ANKRD17: variants seen among roughly 807,000 people sequenced by gnomAD.
The protein encoded by ANKRD17 is ankyrin repeat domain-containing protein 17.
ANKRD17 carries 19 observed loss-of-function variants against 229.7 expected under a neutral mutation model. That is an observed-to-expected ratio of 0.08 (90% confidence interval 0.06 to 0.12). The LOEUF (loss-of-function observed/expected upper bound fraction) is 0.12. Among genes scored for constraint, ANKRD17 ranks in the 10% least tolerant of loss-of-function variants. ANKRD17 has a pLI of 1.00. For missense variants in ANKRD17, 2,176 were observed against 3,176.8 expected, an observed-to-expected ratio of 0.68 and a Z score of 7.57; for synonymous variants, 1,112 against 1,146.1, an observed-to-expected ratio of 0.97 and a Z score of 0.60.
Position 73,104,276 on chromosome 4 carries a change from C to T in ANKRD17, c.4402-1729G>A, listed in dbSNP as rs532789856. 2.3e-4 allele frequency among the ~76,000 whole-genome samples: 35 copies of T among 152,260 alleles called. No homozygotes were observed. The Middle Eastern group carries it at 0.014, about 59-fold the overall frequency. On this transcript the variant is annotated intron_variant, in intron 24 of 33. Coordinates refer to ENST00000358602, the MANE Select transcript of ANKRD17 (RefSeq NM_032217.5). ...GTGACCTTTACTCCCTGGATCACCA[C>T]AAGGGAGGAGTAATATCTGATTGGT...
chr4:73,181,215 G>C (rs1214498134), intron 1 of ANKRD17, among the ~76,000 whole-genome samples: 1 of 152,150 alleles, frequency 6.6e-6, no homozygotes, highest in Non-Finnish European at 1.5e-5. Flanking sequence ...TATCTTCATT[G>C]ATTTATTACA....
At chr4:73,192,747 T>C (rs1737306670) in intron 1 of ANKRD17, among the ~76,000 whole-genome samples, 1 of 152,202 alleles carries the variant, frequency 6.6e-6, no homozygotes, top group South Asian at 2.1e-4. Flanking sequence ...TGCTGGTACA[T>C]GTAACTCATC....
rs560489020 is a variant in ANKRD17, at chr4:73,097,095, A to G, written c.5177+22T>C. The G allele has an allele frequency of 5.6e-6, 9 of 1,604,214 alleles. No homozygotes were observed. The Admixed American group carries it at 1.2e-4, about 22-fold the overall frequency. On this transcript the variant is annotated intron_variant, in intron 27 of 33. Coordinates refer to ENST00000358602, the MANE Select transcript of ANKRD17 (RefSeq NM_032217.5). ...ACTGTGATATATAGCACATAAAAAG[A>G]ATGACAAAAACAATTACTCACCTTC...
rs1218547498 is a variant in ANKRD17 at position 73,240,449 on chromosome 4, C to T, written c.393+17827G>A. ...GAATAACTTGGGCAACACAGCAAGA[C>T]TATCTCTACAAAAAAAAAAAAAAAA... On this transcript the variant is annotated intron_variant, in intron 1 of 33. Coordinates refer to ENST00000358602, the MANE Select transcript of ANKRD17 (RefSeq NM_032217.5). 3.7e-5 allele frequency among the ~76,000 whole-genome samples: 5 copies of T among 135,954 alleles called. No homozygotes were observed. The Admixed American group carries it at 3.8e-4, about 10-fold the overall frequency. The allele number at this position is 135,954 out of a possible 152,430, so 89.2% of individuals were successfully genotyped here. A position where few individuals can be genotyped will look rare whatever the true frequency, so the allele number is the denominator to read the frequency against.
In ANKRD17 at chr4:73,092,338, C is replaced by G. The variant is rs373059963; in HGVS notation, c.5328-38G>C. 3.9e-6 allele frequency: 6 copies of G among 1,534,750 alleles called. 1 individual carries two copies. Among genetic ancestry groups the G allele is most frequent in the Non-Finnish European group, 5.3e-6 (6 of 1,134,952 alleles). On this transcript the variant is annotated intron_variant, in intron 28 of 33. Coordinates refer to ENST00000358602, the MANE Select transcript of ANKRD17 (RefSeq NM_032217.5). ...AAAAAAAAATTAGGTAGAATTTTCCCTACTTTTGAGTATGTAAAGTGTTTT... is the reference window on the plus strand; with the variant it reads ...AAAAAAAAATTAGGTAGAATTTTCCGTACTTTTGAGTATGTAAAGTGTTTT...
At chr4:73,250,671 C>CAAGTACT (rs1744934353) in intron 1 of ANKRD17, among the ~76,000 whole-genome samples, 1 of 145,816 alleles carries the variant, frequency 6.9e-6, no homozygotes, top group Non-Finnish European at 1.5e-5. Flanking sequence ...AGGAATTCCT[C>CAAGTACT]AAGTACTGTA....
chr4:73,152,969 T>C (rs1283632801), intron 6 of ANKRD17, among the ~76,000 whole-genome samples: 1 of 152,234 alleles, frequency 6.6e-6, no homozygotes, highest in Non-Finnish European at 1.5e-5. Context: ...ATATAAGGAT[T>C]ATTTTCATGT....
At position 73,198,402 on chromosome 4, in the gene ANKRD17, T is replaced by C. The variant is rs553063242; in HGVS notation, c.394-20869A>G. ...AACAAATTTGTATACCCAATGGCTC[T>C]GTGTTTCACTTGATAAAGAATTAGG... is the stretch of plus-strand genomic sequence containing the variant. On this transcript the variant is annotated intron_variant, in intron 1 of 33. Coordinates refer to ENST00000358602, the MANE Select transcript of ANKRD17 (RefSeq NM_032217.5). 3.5e-4 allele frequency among the ~76,000 whole-genome samples: 53 copies of C among 152,324 alleles called. 1 individual carries two copies. The highest frequency in any genetic ancestry group is 1.0e-3 in the African/African-American group (43 of 41,576).
chr4:73,125,379 T>G, intron 16 of ANKRD17, 67 bp from the exon 17 acceptor site: 1 of 1,083,982 alleles, frequency 9.2e-7, no homozygotes, highest in South Asian at 1.4e-5. Flanking sequence ...ATACATAATA[T>G]GCAAACATAT....
At chr4:73,145,853 G>C (rs1730205831) in intron 10 of ANKRD17, among the ~76,000 whole-genome samples, 1 of 152,188 alleles carries the variant, frequency 6.6e-6, no homozygotes, top group African/African-American at 2.4e-5. Flanking sequence ...AATGACAAAA[G>C]AAAGATTAAA....
intron 1 of ANKRD17, among the ~76,000 whole-genome samples, chr4:73,178,098 T>A (rs1734975077): frequency 6.6e-6 from 1 of 152,190 alleles, no homozygotes; most frequent in African/African-American, 2.4e-5. Flanking sequence ...TCCAAAATTC[T>A]AATTTTTGCT....
Position 73,094,155 on chromosome 4 carries a change from T to G in ANKRD17, c.5251A>C (p.Ile1751Leu), listed in dbSNP as rs1404007968. The G allele has an allele frequency of 6.2e-7, 1 of 1,613,494 alleles. No homozygotes were observed. Among genetic ancestry groups the G allele is most frequent in the East Asian group, 2.2e-5 (1 of 44,778 alleles). ...ATGTGTGCACCAGTAAACTCCCGAA[T>G]AGCATTGATATTACAGCCTCCTCTT... is the stretch of plus-strand genomic sequence containing the variant. ...IGRGGCNINAIREFTGAHIDI... is the reference protein window; with the variant it reads ...IGRGGCNINALREFTGAHIDI... The change falls in exon 28 of 34, where the codon ATT becomes CTT. Residue 1751 changes from isoleucine (I) to leucine (L), a missense_variant. Transcript: ENST00000358602.
intron 2 of ANKRD17, among the ~76,000 whole-genome samples, chr4:73,173,489 T>G (rs536858516): frequency 6.6e-6 from 1 of 152,228 alleles, no homozygotes; most frequent in East Asian, 1.9e-4. Flanking sequence ...ATGGGCAGAA[T>G]AGCATGTGGA....
At chr4:73,198,362 C>G (rs1474297509) in intron 1 of ANKRD17, among the ~76,000 whole-genome samples, 1 of 152,086 alleles carries the variant, frequency 6.6e-6, no homozygotes, top group Non-Finnish European at 1.5e-5. Context: ...ATTTGGTATA[C>G]TGCAAAGTAT....
At chr4:73,168,448 G>GTA (rs762464013) in intron 2 of ANKRD17, among the ~76,000 whole-genome samples, 88 of 151,750 alleles carry the variant, frequency 5.8e-4, no homozygotes, top group South Asian at 1.0e-3. Flanking sequence ...TTGTGTGTGT[G>GTA]TATATATATA....
In ANKRD17 at chr4:73,196,454, G is replaced by A. The variant is rs182620211; in HGVS notation, c.394-18921C>T. On this transcript the variant is annotated intron_variant, in intron 1 of 33. Transcript: ENST00000358602. ...TTCTTTTCTGACCTAAGCTTTAATC[G>A]TGTACCACAAATTCTGATATATTTC... Among the ~76,000 whole-genome samples, 372 of 152,076 alleles carry A rather than the reference G, an allele frequency of 2.4e-3. 1 individual carries two copies. Among genetic ancestry groups the A allele is most frequent in the South Asian group, 0.015 (71 of 4,808 alleles).
At chr4:73,110,952 G>T (rs1233775198) in intron 24 of ANKRD17, among the ~76,000 whole-genome samples, 1 of 152,122 alleles carries the variant, frequency 6.6e-6, no homozygotes, top group Non-Finnish European at 1.5e-5. Flanking sequence ...TAAGGCTCTT[G>T]AAAGTATAAA....
intron 24 of ANKRD17, among the ~76,000 whole-genome samples, chr4:73,112,294 T>G (rs1725414944): frequency 6.6e-6 from 1 of 152,222 alleles, no homozygotes; most frequent in Non-Finnish European, 1.5e-5. Context: ...CTGAGCACAC[T>G]GTTATAATAA....
chr4:73,158,855 C>A (rs969699855), intron 3 of ANKRD17, among the ~76,000 whole-genome samples: 1 of 152,246 alleles, frequency 6.6e-6, no homozygotes, highest in Non-Finnish European at 1.5e-5. Flanking sequence ...TGCCTCAGGG[C>A]TCTGCACAGA....
Sources: gnomAD v4.1 joint callset for allele counts (sites outside exome capture counted in the v4.1 genomes callset) on GRCh38, gnomAD v4.1.1 for gene constraint, MANE v1.5 for transcripts, NCBI Gene and HGNC (gene_info 2026-07-23, HGNC 2026-07-21) for gene names.